CNNM1: variants seen among roughly 807,000 people sequenced by gnomAD.
The protein encoded by CNNM1 is cyclin and CBS domain divalent metal cation transport mediator 1, also known as metal transporter CNNM1.
In CNNM1, 44 loss-of-function variants were observed where a neutral mutation model predicts 78.8. The observed-to-expected ratio is 0.56, with a 90% CI of 0.44 to 0.72. The LOEUF is 0.72. Among genes scored for constraint, CNNM1 ranks in the 30% least tolerant of loss-of-function variants. CNNM1 has a pLI of 0.00. For missense variants in CNNM1, 1,101 were observed against 1,292.2 expected, an observed-to-expected ratio of 0.85 and a Z score of 2.27; for synonymous variants, 584 against 581.5, an observed-to-expected ratio of 1.00 and a Z score of -0.06.
chr10:99,378,458 A>T (rs1189726213), intron 7 of CNNM1, among the ~76,000 whole-genome samples: 5 of 152,162 alleles, frequency 3.3e-5, no homozygotes, highest in Non-Finnish European at 1.5e-5. Context: ...GCACGCCTTC[A>T]TTATTTGGAG....
chr10:99,360,882 C>T lies in CNNM1; in HGVS notation c.1765C>T (p.His589Tyr). The change falls in exon 3 of 11, where the codon CAT becomes TAT. Residue 589 changes from histidine (H) to tyrosine (Y), a missense_variant. His to Tyr is a moderately conservative substitution (Grantham distance 83). Transcript: ENST00000356713. ...GGTCCCGCAACGGGAGCGGAAGCGG[C>T]ATGACTTCTCCTTGTTTAAGCTTTC... is the stretch of plus-strand genomic sequence containing the variant. The part of the protein sequence containing the change: ...QRVPQRERKR[H>Y]DFSLFKLSDT... The T allele has an allele frequency of 1.2e-6, 2 of 1,612,936 alleles. No homozygotes were observed. The highest frequency in any genetic ancestry group is 2.2e-5 in the South Asian group (2 of 91,008).
chr10:99,364,857 G>A (rs914856311), intron 5 of CNNM1, 98 bp from the exon 6 acceptor site: 83 of 1,163,250 alleles, frequency 7.1e-5, no homozygotes, highest in African/African-American at 3.8e-4. Flanking sequence ...TTTTTACAGG[G>A]TTAATTGGTG....
intron 3 of CNNM1, among the ~76,000 whole-genome samples, chr10:99,361,411 C>T (rs1054503658): frequency 2.0e-5 from 3 of 152,132 alleles, no homozygotes; most frequent in Non-Finnish European, 2.9e-5. Context: ...TGAGAAAATC[C>T]AAAGATAAAC....
chr10:99,333,099 T>C (rs956142992), intron 1 of CNNM1, among the ~76,000 whole-genome samples: 1 of 152,204 alleles, frequency 6.6e-6, no homozygotes, highest in Non-Finnish European at 1.5e-5. Context: ...AACTGTGTCC[T>C]GACATGGTAT....
rs1850555560 is a variant in CNNM1, at chr10:99,329,736, G to A, written c.349G>A (p.Gly117Ser). Residue 117 changes from glycine (G) to serine (S), a missense_variant, in exon 1 of 11, where the codon GGC (glycine) becomes AGC (serine). Around this residue, in one of 3 missense-constraint regions of CNNM1, gnomAD observed 476 missense variants for 484.5 expected, o/e 0.98. Coordinates refer to ENST00000356713, the MANE Select transcript of CNNM1 (RefSeq NM_020348.3). ...VFIEEPPGGG[G>S]VAPSAVPTRP... ...CATCGAGGAGCCCCCGGGCGGTGGC[G>A]GCGTGGCCCCCAGCGCGGTCCCCAC... 1 of 1,511,008 alleles carries A rather than the reference G, an allele frequency of 6.6e-7. No individual in the cohort carries two copies. Among genetic ancestry groups the A allele is most frequent in the South Asian group, 1.2e-5 (1 of 80,604 alleles). 93.6% of individuals were successfully genotyped at this position (1,511,008 alleles called of 1,614,324 possible).
chr10:99,330,180 G>T lies in CNNM1; in HGVS notation c.793G>T (p.Glu265Ter), dbSNP rs1850576034. The change falls in exon 1 of 11, where the codon GAG becomes TAG. Residue 265 changes from glutamate to a stop codon, truncating the protein, a stop_gained. Transcript: ENST00000356713. LOFTEE classifies it high-confidence loss of function. Reference sequence around the variant, plus strand: ...GCTGCGGAACAGCGGCTCGGCCGCCGAGCAGGAGCAGGCGCGCCGCGTGCA... The same window carrying T: ...GCTGCGGAACAGCGGCTCGGCCGCCTAGCAGGAGCAGGCGCGCCGCGTGCA... Reference protein sequence around the residue: ...RVLRNSGSAAEQEQARRVQAV... With the variant: ...RVLRNSGSAA 2.6e-6 allele frequency: 4 copies of T among 1,515,060 alleles called. No individual in the cohort carries two copies. The highest frequency in any genetic ancestry group is 3.5e-6 in the Non-Finnish European group (4 of 1,136,850). 93.9% of individuals were successfully genotyped at this position (1,515,060 alleles called of 1,614,324 possible). A position where few individuals can be genotyped will look rare whatever the true frequency, so the allele number is the denominator to read the frequency against.
At chr10:99,367,893 C>G (rs913904419) in intron 6 of CNNM1, among the ~76,000 whole-genome samples, 1 of 152,050 alleles carries the variant, frequency 6.6e-6, no homozygotes, top group Admixed American at 6.6e-5. Context: ...ACACACTGAA[C>G]TCTACCCGGG....
chr10:99,386,541 G>C (rs1228399124), intron 7 of CNNM1, among the ~76,000 whole-genome samples: 1 of 152,216 alleles, frequency 6.6e-6, no homozygotes, highest in Admixed American at 6.5e-5. Flanking sequence ...TGTCCCATAT[G>C]CTCTGCAAAA....
In CNNM1 at chr10:99,387,905, A is replaced by T; in HGVS notation, c.2426A>T (p.Asp809Val). ...PQSPDMEAFT[D>V]GDSTKAPTTR... ...TCCCCTGACATGGAGGCCTTCACAG[A>T]CGGGGACTCCACTAAGGCCCCCACA... Residue 809 changes from aspartate (D) to valine (V), a missense_variant, in exon 8 of 11, where the codon GAC (aspartate) becomes GTC (valine). Physicochemically the swap from Asp to Val is radical, Grantham distance 152. This residue lies in a region of CNNM1 where 348 missense variants were observed against 384.5 expected (regional missense o/e 0.90). Coordinates refer to ENST00000356713, the MANE Select transcript of CNNM1 (RefSeq NM_020348.3). The T allele has an allele frequency of 1.9e-6, 3 of 1,613,762 alleles. No individual in the cohort carries two copies. The highest frequency in any genetic ancestry group is 2.5e-6 in the Non-Finnish European group (3 of 1,179,816).
intron 2 of CNNM1, among the ~76,000 whole-genome samples, chr10:99,359,956 C>CCG (rs2031373939): frequency 2.0e-5 from 3 of 149,180 alleles, no homozygotes; most frequent in Non-Finnish European, 4.4e-5. Context: ...AAGCGGGGGC[C>CCG]GGGGGGGAAG....
chr10:99,329,560 AG>A lies in CNNM1; in HGVS notation c.179del (p.Gly60AlafsTer174). On this transcript the variant is annotated frameshift_variant, in exon 1 of 11. Coordinates refer to ENST00000356713, the MANE Select transcript of CNNM1 (RefSeq NM_020348.3). LOFTEE classifies it high-confidence loss of function. ...ACTGCTGGAGGCCGCGTGTCCCTGG[AG>A]GGGGGCACCCTGCGCGCCGCCGAAG... Reference protein sequence around the residue: ...EDTAGGRVSLEGGTLRAAEGT... With the variant: ...EDTAGGRVSLXGGTLRAAEGT... 4.6e-6 allele frequency: 7 copies of A among 1,530,590 alleles called. No individual in the cohort carries two copies. The highest frequency in any genetic ancestry group is 2.6e-5 in the East Asian group (1 of 38,876). 94.8% of individuals were successfully genotyped at this position (1,530,590 alleles called of 1,614,324 possible). A position where few individuals can be genotyped will look rare whatever the true frequency, so the allele number is the denominator to read the frequency against.
chr10:99,388,364 G>T, intron 9 of CNNM1, 63 bp downstream of exon 9: 1 of 1,555,262 alleles, frequency 6.4e-7, no homozygotes. Context: ...CACTGGGATG[G>T]CCCAGGGAAA....
chr10:99,334,887 T>A (rs181141400), intron 1 of CNNM1, among the ~76,000 whole-genome samples: 1 of 152,336 alleles, frequency 6.6e-6, no homozygotes, highest in Non-Finnish European at 1.5e-5. Context: ...CCTGGGTAGA[T>A]GTCATTAACT....
At chr10:99,331,650 C>G (rs867146973) in intron 1 of CNNM1, among the ~76,000 whole-genome samples, 16 of 152,210 alleles carry the variant, frequency 1.1e-4, no homozygotes, top group Admixed American at 7.9e-4. Context: ...GAGGATTACT[C>G]GAGCCCAGGA....
chr10:99,356,489 AG>A (rs869130633), intron 1 of CNNM1, among the ~76,000 whole-genome samples: 6 of 4,768 alleles, frequency 1.3e-3, no homozygotes, highest in Non-Finnish European at 2.3e-3. Context: ...AGAAAGAAAG[AG>A]AGAGAGAGAG....
Position 99,392,619 on chromosome 10 carries a change from C to A in CNNM1, c.*1103C>A, listed in dbSNP as rs1412046001. On this transcript the variant is annotated 3_prime_UTR_variant, in exon 11 of 11. Coordinates refer to ENST00000356713, the MANE Select transcript of CNNM1 (RefSeq NM_020348.3). Reference sequence around the variant, plus strand: ...TCTGGTTTTTCTCCTGAAGTTGGGGCAGGTGCAATTCCAAGCATAACCACC... The same window carrying A: ...TCTGGTTTTTCTCCTGAAGTTGGGGAAGGTGCAATTCCAAGCATAACCACC... 1 of 152,258 alleles carries A rather than the reference C, an allele frequency of 6.6e-6. No individual in the cohort carries two copies. The highest frequency in any genetic ancestry group is 2.4e-5 in the African/African-American group (1 of 41,450). The allele number at this position is 152,258 out of a possible 1,614,324, so 9.4% of individuals were successfully genotyped here. A position where few individuals can be genotyped will look rare whatever the true frequency, so the allele number is the denominator to read the frequency against.
intron 1 of CNNM1, among the ~76,000 whole-genome samples, chr10:99,337,128 A>C (rs562826550): frequency 6.6e-6 from 1 of 152,368 alleles, no homozygotes; most frequent in Non-Finnish European, 1.5e-5. Flanking sequence ...AGTACTAAGT[A>C]GATGTTAGCT....
intron 6 of CNNM1, among the ~76,000 whole-genome samples, chr10:99,374,638 A>G (rs1362730225): frequency 2.0e-5 from 3 of 152,176 alleles, no homozygotes; most frequent in African/African-American, 7.2e-5. Context: ...CTTTGTGATG[A>G]TTTAAGAGCT....
chr10:99,391,262 C>G (rs537411343), intron 10 of CNNM1, among the ~76,000 whole-genome samples, 175 bp from the exon 11 acceptor site: 1 of 152,346 alleles, frequency 6.6e-6, no homozygotes, highest in South Asian at 2.1e-4. Context: ...CCTAATCTTT[C>G]AAGATGTAAA....
Sources: allele counts gnomAD v4.1 joint callset (sites outside exome capture counted in the v4.1 genomes callset), GRCh38; gene constraint gnomAD v4.1.1; regional missense constraint gnomAD v4.1.1; transcripts MANE v1.5; gene names NCBI Gene and HGNC (gene_info 2026-07-23, HGNC 2026-07-21).